ASCC3: variants seen among roughly 807,000 people sequenced by gnomAD.
ASCC3 encodes the protein activating signal cointegrator 1 complex subunit 3.
In ASCC3, 158 loss-of-function variants were observed where a neutral mutation model predicts 256.3. The observed-to-expected ratio is 0.62, with a 90% CI of 0.54 to 0.70. ASCC3 has a LOEUF of 0.70. Ranked by LOEUF, ASCC3 falls within the 30% of genes least tolerant of loss-of-function variation. The pLI, the probability that ASCC3 is intolerant of heterozygous loss-of-function variation, is 0.00. For synonymous variants in ASCC3, 948 were observed against 883.4 expected (o/e 1.07, Z -1.30); for missense variants, 2,259 against 2,626.0 (o/e 0.86, Z 3.05).
At chr6:100,526,178 C>T (rs893549712) in intron 37 of ASCC3, among the ~76,000 whole-genome samples, 1 of 152,126 alleles carries the variant, frequency 6.6e-6, no homozygotes, top group Non-Finnish European at 1.5e-5. Context: ...AAGTCATTTC[C>T]GAGCTGTAAC....
At chr6:100,863,421 A>G (rs986629768) in intron 3 of ASCC3, among the ~76,000 whole-genome samples, 1 of 152,200 alleles carries the variant, frequency 6.6e-6, no homozygotes, top group African/African-American at 2.4e-5. Context: ...CGACTGAGCT[A>G]CATAGCTTTT....
intron 21 of ASCC3, 56 bp downstream of exon 21, chr6:100,647,170 C>A: frequency 7.0e-7 from 1 of 1,433,512 alleles, no homozygotes; most frequent in South Asian, 1.2e-5. Context: ...TTACACCCAG[C>A]AACATATTTT....
rs557682710 is a variant in ASCC3, at chr6:100,525,244, C to T, written c.5776-7102G>A. On this transcript the variant is annotated intron_variant, in intron 37 of 41. Transcript: ENST00000369162. The stretch of plus-strand genomic sequence containing the variant: ...GATCATGACAAAGGTTGAAGTGAGG[C>T]ATGTCTGTTCAAATTAAATGACATG... Among the ~76,000 whole-genome samples the T allele has an allele frequency of 3.6e-3, 535 of 148,460 alleles. 3 individuals are homozygous for T. Among genetic ancestry groups the T allele is most frequent in the African/African-American group, 0.013 (516 of 40,252 alleles).
chr6:100,699,642 G>A (rs1335217081), intron 13 of ASCC3, among the ~76,000 whole-genome samples: 1 of 152,178 alleles, frequency 6.6e-6, no homozygotes. Flanking sequence ...AAGACAGGAA[G>A]ATGTGGGAAA....
chr6:100,698,113 T>C (rs1179074480), intron 13 of ASCC3, among the ~76,000 whole-genome samples: 2 of 152,134 alleles, frequency 1.3e-5, no homozygotes, highest in Non-Finnish European at 2.9e-5. Flanking sequence ...CTGAATACAC[T>C]TCAAAGATAG....
intron 10 of ASCC3, among the ~76,000 whole-genome samples, chr6:100,751,243 T>C (rs186672775): frequency 2.0e-5 from 3 of 152,254 alleles, no homozygotes. Context: ...TATGTTACAC[T>C]AATATATCTT....
At chr6:100,782,438 C>T (rs1782494558) in intron 8 of ASCC3, among the ~76,000 whole-genome samples, 1 of 152,076 alleles carries the variant, frequency 6.6e-6, no homozygotes, top group Admixed American at 6.5e-5. Context: ...TTCTAGTGAA[C>T]ACAAATGCAT....
At chr6:100,569,427 GC>G (rs1242356045) in intron 36 of ASCC3, among the ~76,000 whole-genome samples, 2 of 151,878 alleles carry the variant, frequency 1.3e-5, no homozygotes, top group African/African-American at 4.8e-5. Context: ...TGTCGCCCAG[GC>G]TGGAGTGCAG....
rs566390442 is a variant in ASCC3, at chr6:100,646,321, T to A, written c.3633+294A>T. Among the ~76,000 whole-genome samples, 173 of 152,064 alleles carry A rather than the reference T, an allele frequency of 1.1e-3. 1 individual carries two copies. Among genetic ancestry groups the A allele is most frequent in the African/African-American group, 3.9e-3 (161 of 41,498 alleles). On this transcript the variant is annotated intron_variant, in intron 22 of 41. Transcript: ENST00000369162. ...TAATTTTTTACTATTATTATTATTA[T>A]TTTTTTGAGACAGAGTCTCGCTCTG...
In ASCC3 at chr6:100,661,358, CAA is replaced by C. The variant is rs59816500; in HGVS notation, c.2703+446_2703+447del. On this transcript the variant is annotated intron_variant, in intron 16 of 41. Coordinates refer to ENST00000369162, the MANE Select transcript of ASCC3 (RefSeq NM_006828.4). ...ACACACACACACACACACACACACA[CAA>C]AACAAATGATCATAATCTAGCTCAA... 1.4e-3 allele frequency among the ~76,000 whole-genome samples: 195 copies of C among 143,126 alleles called. 1 individual carries two copies. Among genetic ancestry groups the C allele is most frequent in the African/African-American group, 3.9e-3 (154 of 39,452 alleles). The allele number at this position is 143,126 out of a possible 152,430, so 93.9% of individuals were successfully genotyped here. A position where few individuals can be genotyped will look rare whatever the true frequency, so the allele number is the denominator to read the frequency against.
intron 33 of ASCC3, among the ~76,000 whole-genome samples, chr6:100,604,310 AC>A (rs1772776193): frequency 6.6e-6 from 1 of 152,036 alleles, no homozygotes; most frequent in African/African-American, 2.4e-5. Context: ...TTTTAAAAGA[AC>A]CAACTTTTGG....
chr6:100,542,211 A>G (rs1386407778), intron 36 of ASCC3, among the ~76,000 whole-genome samples: 1 of 152,194 alleles, frequency 6.6e-6, no homozygotes, highest in Non-Finnish European at 1.5e-5. Flanking sequence ...AGAGAACTAT[A>G]CAACCATAAT....
chr6:100,647,193 C>G lies in ASCC3; in HGVS notation c.3478+33G>C, dbSNP rs769455862. On this transcript the variant is annotated intron_variant, in intron 21 of 41. Coordinates refer to ENST00000369162, the MANE Select transcript of ASCC3 (RefSeq NM_006828.4). Reference sequence around the variant, plus strand: ...AGCAACATATTTTATTTGCACAAAACAATACATTCAAACATATTTGCTTCC... The same window carrying G: ...AGCAACATATTTTATTTGCACAAAAGAATACATTCAAACATATTTGCTTCC... The G allele has an allele frequency of 2.6e-6, 4 of 1,538,092 alleles. No homozygotes were observed. The East Asian group carries it at 9.0e-5, about 35-fold the overall frequency.
At chr6:100,814,607 T>C (rs927296199) in intron 4 of ASCC3, among the ~76,000 whole-genome samples, 4 of 152,134 alleles carry the variant, frequency 2.6e-5, no homozygotes, top group Non-Finnish European at 4.4e-5. Context: ...TTATCACTGA[T>C]TGAATTTCAA....
At chr6:100,797,592 T>C (rs774299261) in intron 8 of ASCC3, among the ~76,000 whole-genome samples, 6 of 152,060 alleles carry the variant, frequency 3.9e-5, no homozygotes, top group Non-Finnish European at 8.8e-5. Context: ...TGTATTATAA[T>C]TGTTTAGTTT....
chr6:100,668,881 AACT>A (rs1367456234), intron 14 of ASCC3, among the ~76,000 whole-genome samples: 17 of 151,910 alleles, frequency 1.1e-4, no homozygotes, highest in African/African-American at 4.1e-4. Context: ...ATACATCTGA[AACT>A]ATGCTTAATA....
intron 36 of ASCC3, among the ~76,000 whole-genome samples, chr6:100,581,905 G>A (rs1305104970): frequency 1.3e-5 from 2 of 151,546 alleles, no homozygotes. Flanking sequence ...GATATGCGGT[G>A]TTATTTCTGA....
rs541308111 is a variant in ASCC3 at position 100,881,072 on chromosome 6, G to C, written c.-53C>G. On this transcript the variant is annotated 5_prime_UTR_variant, in exon 1 of 42. Transcript: ENST00000369162. ...CTCCACCTCCTCACCTCTCGGCCTG[G>C]CTCACGCGTTTCCCATCACTCTGTC... 6.6e-6 allele frequency: 1 copy of C among 152,458 alleles called. No homozygotes were observed. The highest frequency in any genetic ancestry group is 1.5e-5 in the Non-Finnish European group (1 of 68,204). The allele number at this position is 152,458 out of a possible 1,614,324, so 9.4% of individuals were successfully genotyped here. A position where few individuals can be genotyped will look rare whatever the true frequency, so the allele number is the denominator to read the frequency against.
intron 4 of ASCC3, among the ~76,000 whole-genome samples, chr6:100,821,390 C>T (rs1481957155): frequency 5.3e-5 from 7 of 132,888 alleles, no homozygotes; most frequent in Non-Finnish European, 8.7e-5. Context: ...AACTGAAATA[C>T]GTGTCCAATC....
Sources: gnomAD v4.1 joint callset for allele counts (sites outside exome capture counted in the v4.1 genomes callset) on GRCh38, gnomAD v4.1.1 for gene constraint, MANE v1.5 for transcripts, NCBI Gene and HGNC (gene_info 2026-07-23, HGNC 2026-07-21) for gene names.